CRTC1: variants seen among roughly 807,000 people sequenced by gnomAD.
CRTC1 encodes the protein CREB-regulated transcription coactivator 1.
Under a neutral mutation model 66.1 loss-of-function variants are expected in CRTC1, and 18 were observed. The ratio of observed to expected loss-of-function variants is 0.27; its 90% CI spans 0.19 to 0.40. The LOEUF is 0.40. CRTC1 is among the 10% of genes least tolerant of loss of function. The pLI is 1.00. For synonymous variants in CRTC1, 416 were observed against 398.8 expected, an observed-to-expected ratio of 1.04 and a Z score of -0.51; for missense variants, 669 against 887.9, an observed-to-expected ratio of 0.75 and a Z score of 3.13.
intron 1 of CRTC1, among the ~76,000 whole-genome samples, chr19:18,722,966 G>C (rs2053661386): frequency 6.6e-6 from 1 of 151,804 alleles, no homozygotes; most frequent in South Asian, 2.1e-4. Context: ...TTTGAGACAG[G>C]GTCTTGCTCT....
chr19:18,781,858 G>A lies in CRTC1; in HGVS notation c.*4476G>A, dbSNP rs964891457. 8.3e-5 allele frequency: 19 copies of A among 230,190 alleles called. No homozygotes were observed. Among genetic ancestry groups the A allele is most frequent in the African/African-American group, 4.0e-4 (18 of 45,132 alleles). 14.3% of individuals were successfully genotyped at this position (230,190 alleles called of 1,614,324 possible). ...GGGACAGGTGGCATGTGTTGGGGTC[G>A]GGGGATGGCCCCCATCTCGAAGTGT... On this transcript the variant is annotated 3_prime_UTR_variant, in exon 14 of 14. Coordinates refer to ENST00000321949, the MANE Select transcript of CRTC1 (RefSeq NM_015321.3).
intron 1 of CRTC1, among the ~76,000 whole-genome samples, chr19:18,740,521 C>T (rs533938465): frequency 1.3e-5 from 2 of 152,300 alleles, no homozygotes; most frequent in South Asian, 4.1e-4. Context: ...CCTAAAACCA[C>T]AGTGTGAGCA....
In CRTC1 at chr19:18,777,181, G is replaced by T; in HGVS notation, c.1704G>T (p.Glu568Asp). The change falls in exon 14 of 14, where the codon GAG (glutamate) becomes GAT (aspartate). Residue 568 changes from glutamate to aspartate, a missense_variant. Glu to Asp is a conservative substitution (Grantham distance 45, BLOSUM62 2). Around this residue, in one of 8 missense-constraint regions of CRTC1, gnomAD observed 91 missense variants for 99.1 expected, o/e 0.92. Transcript: ENST00000321949. The surrounding 1 kb of genome is among the most constrained non-coding windows in gnomAD (Gnocchi z 5.5). ...CACCCCATCCCCCAGTGACAGGAGA[G>T]TCCCCCCCCAGCCTCTCTAAAGAAC... The part of the protein sequence containing the change: ...IPNIILTVTG[E>D]SPPSLSKELT... The T allele has an allele frequency of 6.3e-7, 1 of 1,583,920 alleles. No homozygotes were observed. The highest frequency in any genetic ancestry group is 8.6e-7 in the Non-Finnish European group (1 of 1,159,674).
Position 18,771,480 on chromosome 19 carries a change from C to T in CRTC1, c.1359C>T (p.Ser453=). The T allele has an allele frequency of 2.5e-6, 4 of 1,613,754 alleles. No individual in the cohort carries two copies. The highest frequency in any genetic ancestry group is 3.4e-6 in the Non-Finnish European group (4 of 1,179,780). The change falls in exon 11 of 14, where the codon TCC becomes TCT. Residue 453 remains serine, a synonymous_variant. Transcript: ENST00000321949. The surrounding 1 kb of genome is among the most constrained non-coding windows in gnomAD (Gnocchi z 4.6). ...AGCAGTACCGCACTAGCGCCGGCTC[C>T]CCGGCCAACCAGTCTCCCACCTCGC... The part of the protein sequence containing the change: ...ALQQYRTSAG[S]PANQSPTSPV...
At chr19:18,767,802 G>A (rs1397800634) in intron 9 of CRTC1, among the ~76,000 whole-genome samples, 1 of 152,194 alleles carries the variant, frequency 6.6e-6, no homozygotes, top group Non-Finnish European at 1.5e-5. Flanking sequence ...GGTCCTCAGA[G>A]GCCGGGCATC....
rs762684840 is a variant in CRTC1 at position 18,768,467 on chromosome 19, C to T, written c.1012-18C>T. The T allele has an allele frequency of 2.0e-5, 32 of 1,604,786 alleles. No homozygotes were observed. The highest frequency in any genetic ancestry group is 2.5e-5 in the Non-Finnish European group (30 of 1,177,548). ...GACAACCAGGGCCCGCCCTGCCTGACGCTCTCCTCTCCTGCAGGCTGTAGC... is the reference window on the plus strand; with the variant it reads ...GACAACCAGGGCCCGCCCTGCCTGATGCTCTCCTCTCCTGCAGGCTGTAGC... On this transcript the variant is annotated intron_variant, in intron 9 of 13. Coordinates refer to ENST00000321949, the MANE Select transcript of CRTC1 (RefSeq NM_015321.3). This position sits in a 1 kb window ranked among gnomAD's most constrained non-coding sequence, Gnocchi z 5.6.
rs968116268 is a variant in CRTC1, at chr19:18,760,877, C to T, written c.886+649C>T. On this transcript the variant is annotated intron_variant, in intron 8 of 13. Transcript: ENST00000321949. The surrounding 1 kb of genome is among the most constrained non-coding windows in gnomAD (Gnocchi z 6.2). The stretch of plus-strand genomic sequence containing the variant: ...CATTGTCAGCGTGTCCTGTCGGTTC[C>T]GCCCTCAGGACCTGGCCTGACCTGG... 3.9e-5 allele frequency among the ~76,000 whole-genome samples: 6 copies of T among 151,968 alleles called. No homozygotes were observed. The highest frequency in any genetic ancestry group is 1.9e-4 in the East Asian group (1 of 5,184).
In CRTC1 at chr19:18,777,869, A is replaced by G. The variant is rs1411473356; in HGVS notation, c.*487A>G. 2 of 279,270 alleles carry G rather than the reference A, an allele frequency of 7.2e-6. No homozygotes were observed. Among genetic ancestry groups the G allele is most frequent in the South Asian group, 7.5e-5 (1 of 13,420 alleles). The allele number at this position is 279,270 out of a possible 1,614,324, so 17.3% of individuals were successfully genotyped here. ...CGCCATCCCCAGCCCGTGGTCAGGTAGAGAGTGAGCCCCACGCCGCCCCAG... is the reference window on the plus strand; with the variant it reads ...CGCCATCCCCAGCCCGTGGTCAGGTGGAGAGTGAGCCCCACGCCGCCCCAG... On this transcript the variant is annotated 3_prime_UTR_variant, in exon 14 of 14. Coordinates refer to ENST00000321949, the MANE Select transcript of CRTC1 (RefSeq NM_015321.3). The surrounding 1 kb of genome is among the most constrained non-coding windows in gnomAD (Gnocchi z 5.5).
At chr19:18,704,761 C>T (rs2053223667) in intron 1 of CRTC1, among the ~76,000 whole-genome samples, 1 of 152,138 alleles carries the variant, frequency 6.6e-6, no homozygotes, top group South Asian at 2.1e-4. Flanking sequence ...AAGTTACTGT[C>T]TTAACCTTAA....
chr19:18,753,886 G>A (rs920767076), intron 6 of CRTC1, among the ~76,000 whole-genome samples: 5 of 152,118 alleles, frequency 3.3e-5, no homozygotes. Flanking sequence ...GATTGCCAGA[G>A]GTCAGGAGTT....
chr19:18,742,770 T>C (rs556685271), intron 1 of CRTC1, 140 bp from the exon 2 acceptor site: 6 of 666,148 alleles, frequency 9.0e-6, no homozygotes, highest in African/African-American at 8.9e-5. Flanking sequence ...TCCTTAAGCA[T>C]CTGGGTCATG....
intron 8 of CRTC1, among the ~76,000 whole-genome samples, chr19:18,761,911 C>T (rs2054622545): frequency 1.3e-5 from 2 of 152,022 alleles, no homozygotes; most frequent in Non-Finnish European, 2.9e-5. Context: ...ACACCTGGGC[C>T]CTGGGCCCTG....
intron 12 of CRTC1, among the ~76,000 whole-genome samples, 193 bp from the exon 13 acceptor site, chr19:18,775,448 A>C (rs1332373334): frequency 6.6e-6 from 1 of 152,180 alleles, no homozygotes; most frequent in Non-Finnish European, 1.5e-5. Context: ...TCATCCAGCC[A>C]GTCTCTAGGG....
chr19:18,761,623 C>G (rs369499078), intron 8 of CRTC1, among the ~76,000 whole-genome samples: 1 of 152,176 alleles, frequency 6.6e-6, no homozygotes, highest in African/African-American at 2.4e-5. Context: ...TTGGGAGGGG[C>G]GGCCACTGGA....
chr19:18,773,188 CAG>C (rs917644898), intron 11 of CRTC1, among the ~76,000 whole-genome samples: 9 of 152,202 alleles, frequency 5.9e-5, no homozygotes, highest in South Asian at 2.1e-4. Flanking sequence ...ACGGGGCTCT[CAG>C]GGGCAGATGG....
chr19:18,741,942 G>A lies in CRTC1; in HGVS notation c.127-968G>A, dbSNP rs951758117. Among the ~76,000 whole-genome samples, 1 of 152,100 alleles carries A rather than the reference G, an allele frequency of 6.6e-6. No homozygotes were observed. Among genetic ancestry groups the A allele is most frequent in the East Asian group, 1.9e-4 (1 of 5,190 alleles). On this transcript the variant is annotated intron_variant, in intron 1 of 13. Coordinates refer to ENST00000321949, the MANE Select transcript of CRTC1 (RefSeq NM_015321.3). The surrounding 1 kb of genome is among the most constrained non-coding windows in gnomAD (Gnocchi z 4.2). ...CTGCCAGGAGCTGTTTGTAAGGAAC[G>A]AGTCGGCCTTGTTGTGTACACAGTG...
Position 18,768,615 on chromosome 19 carries a change from C to A in CRTC1, c.1142C>A (p.Pro381Gln). ...CCTCCACCCGCGTCCCAGCAGCCAC[C>A]ACCCCCGCCACCCCCACAGGCGCCC... ...PPPPPASQQP[P>Q]PPPPPQAPVR... The change falls in exon 10 of 14, where the codon CCA becomes CAA. Residue 381 changes from proline to glutamine, a missense_variant. Pro to Gln is a moderately conservative substitution (Grantham distance 76). This residue lies in a region of CRTC1 where 241 missense variants were observed against 242.2 expected (regional missense o/e 0.99). Coordinates refer to ENST00000321949, the MANE Select transcript of CRTC1 (RefSeq NM_015321.3). This position sits in a 1 kb window ranked among gnomAD's most constrained non-coding sequence, Gnocchi z 5.6. The A allele has an allele frequency of 6.7e-7, 1 of 1,495,036 alleles. No individual in the cohort carries two copies. Among genetic ancestry groups the A allele is most frequent in the Non-Finnish European group, 9.1e-7 (1 of 1,101,356 alleles). The allele number at this position is 1,495,036 out of a possible 1,614,324, so 92.6% of individuals were successfully genotyped here. A position where few individuals can be genotyped will look rare whatever the true frequency, so the allele number is the denominator to read the frequency against.
At chr19:18,764,906 C>T (rs183461244) in intron 8 of CRTC1, among the ~76,000 whole-genome samples, 556 of 152,314 alleles carry the variant, frequency 3.7e-3, no homozygotes, top group African/African-American at 0.013. Flanking sequence ...TTGAAGCTAA[C>T]CACAACCCAA....
Position 18,704,957 on chromosome 19 carries a change from C to T in CRTC1, c.126+21129C>T, listed in dbSNP as rs62137135. Among the ~76,000 whole-genome samples, 749 of 150,584 alleles carry T rather than the reference C, an allele frequency of 5.0e-3. 3 individuals are homozygous for T. Among genetic ancestry groups the T allele is most frequent in the Non-Finnish European group, 7.7e-3 (523 of 67,678 alleles). On this transcript the variant is annotated intron_variant, in intron 1 of 13. Transcript: ENST00000321949. ...CTACTACCCTCCATTCCCTCCCAGC[C>T]CCTGGCAACCACCATCCTATTTTCC...
Sources: gnomAD v4.1 joint callset for allele counts (sites outside exome capture counted in the v4.1 genomes callset) on GRCh38, gnomAD v4.1.1 for gene constraint, gnomAD v4.1.1 regional missense constraint, Gnocchi (gnomAD v3.1) non-coding constraint, MANE v1.5 for transcripts, NCBI Gene and HGNC (gene_info 2026-07-23, HGNC 2026-07-21) for gene names.